Variants in CDH4 observed in about 807,000 individuals in gnomAD.
The protein encoded by CDH4 is cadherin-4.
A neutral mutation model predicts 86.0 loss-of-function variants in CDH4; 33 were observed. The ratio of observed to expected loss-of-function variants is 0.38; its 90% CI spans 0.29 to 0.51. CDH4 has a LOEUF of 0.51. Ranked by LOEUF, CDH4 falls within the 20% of genes least tolerant of loss-of-function variation. The pLI, the probability that CDH4 is intolerant of heterozygous loss-of-function variation, is 0.86. For missense variants in CDH4, 1,114 were observed against 1,307.4 expected (o/e 0.85, Z 2.28); for synonymous variants, 555 against 549.4 (o/e 1.01, Z -0.14).
chr20:61,794,650 C>A, intron 4 of CDH4, among the ~76,000 whole-genome samples: 1 of 152,364 alleles, frequency 6.6e-6, no homozygotes, highest in East Asian at 1.9e-4. Flanking sequence ...TACAATAGCA[C>A]ATCCTTGGAC....
At chr20:61,470,719 A>G (rs1370835384) in intron 2 of CDH4, among the ~76,000 whole-genome samples, 1 of 151,950 alleles carries the variant, frequency 6.6e-6, no homozygotes, top group Non-Finnish European at 1.5e-5. Flanking sequence ...CTTATATACC[A>G]AGTGTTTATG....
rs928522877 is a variant in CDH4, at chr20:61,709,121, G to T, written c.170-34442G>T. On this transcript the variant is annotated intron_variant, in intron 2 of 15. Coordinates refer to ENST00000614565, the MANE Select transcript of CDH4 (RefSeq NM_001794.5). This position sits in a 1 kb window ranked among gnomAD's most constrained non-coding sequence, Gnocchi z 4.8. ...CCCCAAAGCCTCGGGTCCCAGTGGCGTAGCGGCCGCCCAAATGATGAGCCC... is the reference window on the plus strand; with the variant it reads ...CCCCAAAGCCTCGGGTCCCAGTGGCTTAGCGGCCGCCCAAATGATGAGCCC... Among the ~76,000 whole-genome samples, 1 of 152,138 alleles carries T rather than the reference G, an allele frequency of 6.6e-6. No individual in the cohort carries two copies. Among genetic ancestry groups the T allele is most frequent in the African/African-American group, 2.4e-5 (1 of 41,442 alleles).
chr20:61,581,861 A>G lies in CDH4; in HGVS notation c.170-161702A>G, dbSNP rs939453547. ...CCGCTACCGTGAGGTGGAATCGGGA[A>G]TGTGGCAGCTCAGCCCTTTCTGCTG... On this transcript the variant is annotated intron_variant, in intron 2 of 15. Transcript: ENST00000614565. 5.2e-4 allele frequency among the ~76,000 whole-genome samples: 79 copies of G among 152,108 alleles called. 1 individual carries two copies. Among genetic ancestry groups the G allele is most frequent in the Non-Finnish European group, 1.9e-4 (13 of 68,016 alleles).
intron 2 of CDH4, among the ~76,000 whole-genome samples, chr20:61,345,338 G>A (rs907910444): frequency 2.0e-5 from 3 of 152,182 alleles, no homozygotes; most frequent in Non-Finnish European, 4.4e-5. Flanking sequence ...ACACCACCCC[G>A]CGATGATGAG....
At chr20:61,851,187 C>T (rs529195594) in intron 5 of CDH4, among the ~76,000 whole-genome samples, 6 of 152,326 alleles carry the variant, frequency 3.9e-5, no homozygotes, top group East Asian at 1.9e-4. Flanking sequence ...ACCTGGCGTG[C>T]GTGCAGCCAC....
At chr20:61,384,920 C>T (rs1280013420) in intron 2 of CDH4, among the ~76,000 whole-genome samples, 1 of 152,172 alleles carries the variant, frequency 6.6e-6, no homozygotes, top group African/African-American at 2.4e-5. Flanking sequence ...TCTGAGGTTT[C>T]TACTTGTTCT....
chr20:61,706,722 C>G (rs575990408), intron 2 of CDH4, among the ~76,000 whole-genome samples: 1 of 152,110 alleles, frequency 6.6e-6, no homozygotes, highest in African/African-American at 2.4e-5. Context: ...TGAATTCTCC[C>G]GAGCCCGCTG....
chr20:61,597,706 G>T (rs2086567048), intron 2 of CDH4, among the ~76,000 whole-genome samples: 1 of 152,182 alleles, frequency 6.6e-6, no homozygotes. Flanking sequence ...CTTCAGCAGG[G>T]GTGCGCCTTC....
In CDH4 at chr20:61,540,228, G is replaced by A. The variant is rs149420928; in HGVS notation, c.170-203335G>A. On this transcript the variant is annotated intron_variant, in intron 2 of 15. Coordinates refer to ENST00000614565, the MANE Select transcript of CDH4 (RefSeq NM_001794.5). ...TCTTGATCCAATTTTAGAAACTGCC[G>A]TTAGGAAGACCTCATATCACAATGG... Among the ~76,000 whole-genome samples, 328 of 152,266 alleles carry A rather than the reference G, an allele frequency of 2.2e-3. 1 individual carries two copies. Among genetic ancestry groups the A allele is most frequent in the African/African-American group, 7.1e-3 (295 of 41,526 alleles).
chr20:61,773,621 G>C (rs1241352000), intron 4 of CDH4, among the ~76,000 whole-genome samples: 3 of 152,176 alleles, frequency 2.0e-5, no homozygotes, highest in Non-Finnish European at 4.4e-5. Context: ...TGGTCCCCGA[G>C]CTCCCAAGGC....
intron 9 of CDH4, among the ~76,000 whole-genome samples, chr20:61,922,470 G>C (rs1402229452): frequency 1.3e-5 from 2 of 152,252 alleles, no homozygotes; most frequent in Non-Finnish European, 2.9e-5. Flanking sequence ...AAGTGCAGCA[G>C]TGATGGGAAC....
chr20:61,832,720 G>C (rs1981679123), intron 4 of CDH4, among the ~76,000 whole-genome samples: 1 of 152,082 alleles, frequency 6.6e-6, no homozygotes, highest in South Asian at 2.1e-4. Context: ...CTCCCACCAG[G>C]TCTCCCTCTC....
intron 2 of CDH4, among the ~76,000 whole-genome samples, chr20:61,268,193 G>A (rs1157431825): frequency 6.6e-6 from 1 of 152,390 alleles, no homozygotes; most frequent in African/African-American, 2.4e-5. Context: ...GGCCCAGGGG[G>A]TGGCATGTAG....
chr20:61,421,541 C>G (rs1284539836), intron 2 of CDH4, among the ~76,000 whole-genome samples: 1 of 152,150 alleles, frequency 6.6e-6, no homozygotes, highest in Non-Finnish European at 1.5e-5. Flanking sequence ...CATGGCTGAA[C>G]GGAATCAAGG....
chr20:61,872,267 G>T (rs537037394), intron 6 of CDH4, among the ~76,000 whole-genome samples: 1 of 152,270 alleles, frequency 6.6e-6, no homozygotes. Flanking sequence ...TAGACAATAA[G>T]TAGACACACA....
At chr20:61,275,275 G>A (rs1296580150) in intron 2 of CDH4, among the ~76,000 whole-genome samples, 3 of 142,636 alleles carry the variant, frequency 2.1e-5, no homozygotes, top group African/African-American at 2.6e-5. Context: ...GGAGCACCAT[G>A]CGCAGTTGGG....
At position 61,754,786 on chromosome 20, in the gene CDH4, C is replaced by T. The variant is rs1012455166; in HGVS notation, c.396+10997C>T. On this transcript the variant is annotated intron_variant, in intron 3 of 15. Transcript: ENST00000614565. This position sits in a 1 kb window ranked among gnomAD's most constrained non-coding sequence, Gnocchi z 4.7. ...GTGCATGCCACACACACCACACACACACTGCACGCCACACACACCACACAC... is the reference window on the plus strand; with the variant it reads ...GTGCATGCCACACACACCACACACATACTGCACGCCACACACACCACACAC... 8.0e-6 allele frequency among the ~76,000 whole-genome samples: 1 copy of T among 124,416 alleles called. No homozygotes were observed. The highest frequency in any genetic ancestry group is 1.7e-5 in the Non-Finnish European group (1 of 59,400). 81.6% of individuals were successfully genotyped at this position (124,416 alleles called of 152,430 possible).
chr20:61,612,312 A>G (rs750548561), intron 2 of CDH4, among the ~76,000 whole-genome samples: 1 of 152,116 alleles, frequency 6.6e-6, no homozygotes, highest in African/African-American at 2.4e-5. Context: ...CCTGTCAAAC[A>G]CTAGGTCTTA....
rs1980363892 is a variant in CDH4 at position 61,810,225 on chromosome 20, C to T, written c.577-34443C>T. The stretch of plus-strand genomic sequence containing the variant: ...GCCACACTAACATCCCACTGGCAGA[C>T]CCCGGGAAAGGCCATGGCCACCCAC... On this transcript the variant is annotated intron_variant, in intron 4 of 15. Transcript: ENST00000614565. This position sits in a 1 kb window ranked among gnomAD's most constrained non-coding sequence, Gnocchi z 4.3. Among the ~76,000 whole-genome samples the T allele has an allele frequency of 6.6e-6, 1 of 152,208 alleles. No individual in the cohort carries two copies. The highest frequency in any genetic ancestry group is 1.5e-5 in the Non-Finnish European group (1 of 68,040).
Sources: allele counts gnomAD v4.1 joint callset (sites outside exome capture counted in the v4.1 genomes callset), GRCh38; gene constraint gnomAD v4.1.1; non-coding constraint Gnocchi (gnomAD v3.1); transcripts MANE v1.5; gene names NCBI Gene and HGNC (gene_info 2026-07-23, HGNC 2026-07-21).